The following CMTM7 variants were observed in gnomAD, a reference collection of about 807,000 sequenced individuals.
CMTM7 encodes CKLF-like MARVEL transmembrane domain-containing protein 7.
CMTM7 carries 7 observed loss-of-function variants against 19.3 expected under a neutral mutation model. The ratio of observed to expected loss-of-function variants is 0.36; its 90% CI spans 0.21 to 0.68. CMTM7 has a LOEUF of 0.68. Among genes scored for constraint, CMTM7 ranks in the 30% least tolerant of loss-of-function variants. The probability of loss-of-function intolerance (pLI) is 0.60; values close to 1 mark genes in which losing one functional copy is unlikely to be tolerated. For missense variants in CMTM7, 193 were observed against 232.6 expected (o/e 0.83, Z 1.11); for synonymous variants, 87 against 99.3 (o/e 0.88, Z 0.74).
chr3:32,405,002 G>C (rs1403343230), intron 1 of CMTM7, among the ~76,000 whole-genome samples: 1 of 152,236 alleles, frequency 6.6e-6, no homozygotes, highest in East Asian at 1.9e-4. Flanking sequence ...GGGCCTGTGA[G>C]GGGCCATGTC....
At chr3:32,404,343 A>G (rs1428722411) in intron 1 of CMTM7, among the ~76,000 whole-genome samples, 4 of 151,530 alleles carry the variant, frequency 2.6e-5, no homozygotes, top group Non-Finnish European at 5.9e-5. Flanking sequence ...GTAATTTTGT[A>G]GATAACGGGG....
intron 1 of CMTM7, among the ~76,000 whole-genome samples, chr3:32,418,114 G>A (rs1037121273): frequency 4.6e-5 from 7 of 152,168 alleles, no homozygotes; most frequent in South Asian, 4.1e-4. Flanking sequence ...GAGCCACCGC[G>A]CCTGTCCTTA....
chr3:32,452,239 A>G, intron 3 of CMTM7, 153 bp from the exon 4 acceptor site: 2 of 1,537,538 alleles, frequency 1.3e-6, no homozygotes, highest in Non-Finnish European at 1.7e-6. Flanking sequence ...TCTGCACCTG[A>G]TCCAGGATGA....
rs949287564 is a variant in CMTM7 at position 32,454,367 on chromosome 3, A to T, written c.*113A>T. 73 of 1,328,248 alleles carry T rather than the reference A, an allele frequency of 5.5e-5. No individual in the cohort carries two copies. The highest frequency in any genetic ancestry group is 7.7e-5 in the Non-Finnish European group (72 of 932,234). 82.3% of individuals were successfully genotyped at this position (1,328,248 alleles called of 1,614,324 possible). ...CCAAAGTCCTGTCAGGCTGGTGGGC[A>T]CCAGGAAAGGCCTGCACCCTCTTCC... On this transcript the variant is annotated 3_prime_UTR_variant, in exon 5 of 5. Transcript: ENST00000334983.
intron 1 of CMTM7, among the ~76,000 whole-genome samples, chr3:32,440,333 G>T (rs889398118): frequency 6.6e-6 from 1 of 151,972 alleles, no homozygotes; most frequent in Non-Finnish European, 1.5e-5. Context: ...CTTGAATCTC[G>T]TAGGCAGAGT....
intron 1 of CMTM7, among the ~76,000 whole-genome samples, chr3:32,433,705 A>G (rs768197512): frequency 9.2e-5 from 14 of 152,172 alleles, no homozygotes; most frequent in Non-Finnish European, 1.9e-4. Context: ...TTTAAATGCA[A>G]GAGTGTCATG....
At chr3:32,409,984 C>T (rs1181359539) in intron 1 of CMTM7, among the ~76,000 whole-genome samples, 2 of 152,152 alleles carry the variant, frequency 1.3e-5, no homozygotes, top group African/African-American at 2.4e-5. Flanking sequence ...TCATTTAATC[C>T]TCACAATAGC....
chr3:32,397,911 T>C (rs1282436623), intron 1 of CMTM7, among the ~76,000 whole-genome samples: 2 of 152,096 alleles, frequency 1.3e-5, no homozygotes, highest in East Asian at 1.9e-4. Flanking sequence ...AGTACCAAAA[T>C]TGGCTGCTCA....
intron 1 of CMTM7, among the ~76,000 whole-genome samples, chr3:32,416,483 C>T (rs1334195440): frequency 8.4e-6 from 1 of 118,958 alleles, no homozygotes. Flanking sequence ...CTCCGCTTCC[C>T]GGGTTCACTC....
chr3:32,454,078 G>A (rs181695720), intron 4 of CMTM7, among the ~76,000 whole-genome samples, 163 bp from the exon 5 acceptor site: 1 of 152,266 alleles, frequency 6.6e-6, no homozygotes, highest in East Asian at 1.9e-4. Flanking sequence ...TTCCTTGTTT[G>A]GAAATGTATT....
At chr3:32,411,023 T>C (rs1378795115) in intron 1 of CMTM7, among the ~76,000 whole-genome samples, 4 of 152,248 alleles carry the variant, frequency 2.6e-5, no homozygotes, top group African/African-American at 9.6e-5. Flanking sequence ...GGTGTGGCCC[T>C]TTGCCTGGCA....
At chr3:32,421,638 T>C (rs1449381978) in intron 1 of CMTM7, among the ~76,000 whole-genome samples, 1 of 152,232 alleles carries the variant, frequency 6.6e-6, no homozygotes, top group African/African-American at 2.4e-5. Flanking sequence ...TGTGTCTGGA[T>C]CTTAAGCTCC....
intron 1 of CMTM7, among the ~76,000 whole-genome samples, chr3:32,393,307 C>T (rs1436938612): frequency 3.3e-5 from 5 of 152,142 alleles, no homozygotes; most frequent in Non-Finnish European, 7.4e-5. Context: ...CAGCAACGTA[C>T]AAAAAAATCT....
At chr3:32,438,782 G>A (rs570642181) in intron 1 of CMTM7, among the ~76,000 whole-genome samples, 1 of 152,358 alleles carries the variant, frequency 6.6e-6, no homozygotes, top group South Asian at 2.1e-4. Context: ...AGCCCTGGAG[G>A]CTCAGAGCAG....
intron 1 of CMTM7, among the ~76,000 whole-genome samples, chr3:32,437,793 A>ACT (rs1265525295): frequency 1.3e-5 from 2 of 152,064 alleles, no homozygotes; most frequent in African/African-American, 4.8e-5. Context: ...TGTGAGGCTG[A>ACT]GGTAGGAGAA....
chr3:32,430,528 A>C lies in CMTM7; in HGVS notation c.160-11312A>C, dbSNP rs143041191. 7.5e-3 allele frequency among the ~76,000 whole-genome samples: 1,141 copies of C among 152,264 alleles called. 14 individuals are homozygous for C. Among genetic ancestry groups the C allele is most frequent in the African/African-American group, 0.026 (1,089 of 41,536 alleles). ...ATGTGCTGGGCACTAGGGACACCAC[A>C]GTGAATCCATGTAGTCTCTGCTGTG... On this transcript the variant is annotated intron_variant, in intron 1 of 4. Coordinates refer to ENST00000334983, the MANE Select transcript of CMTM7 (RefSeq NM_138410.4).
intron 1 of CMTM7, among the ~76,000 whole-genome samples, chr3:32,406,109 C>T (rs1383567416): frequency 6.6e-6 from 1 of 152,228 alleles, no homozygotes; most frequent in African/African-American, 2.4e-5. Flanking sequence ...CCTACGCCCA[C>T]TGCTCTATAC....
At chr3:32,401,124 C>G (rs535852038) in intron 1 of CMTM7, among the ~76,000 whole-genome samples, 1 of 152,302 alleles carries the variant, frequency 6.6e-6, no homozygotes, top group South Asian at 2.1e-4. Context: ...AGAAAAGGAA[C>G]AGTGACAGAC....
intron 1 of CMTM7, among the ~76,000 whole-genome samples, chr3:32,425,525 A>G (rs899191256): frequency 1.3e-5 from 2 of 151,622 alleles, no homozygotes; most frequent in East Asian, 3.9e-4. Flanking sequence ...CATTTAATGT[A>G]TTTTCTAAAT....
Sources: gnomAD v4.1 joint callset for allele counts (sites outside exome capture counted in the v4.1 genomes callset) on GRCh38, gnomAD v4.1.1 for gene constraint, MANE v1.5 for transcripts, NCBI Gene and HGNC (gene_info 2026-07-23, HGNC 2026-07-21) for gene names.